TPO: variants seen among roughly 807,000 people sequenced by gnomAD.
The protein encoded by TPO is thyroid peroxidase.
Under a neutral mutation model 96.9 loss-of-function variants are expected in TPO, and 78 were observed. The ratio of observed to expected loss-of-function variants is 0.81; its 90% CI spans 0.67 to 0.97. The LOEUF is 0.97. Among genes scored for constraint, TPO ranks in the 50% least tolerant of loss-of-function variants. TPO has a pLI of 0.00. For missense variants in TPO, 1,252 were observed against 1,274.8 expected (o/e 0.98, Z 0.27); for synonymous variants, 547 against 538.0 (o/e 1.02, Z -0.23).
At chr2:1,397,688 C>T (rs2148368605) in intron 1 of TPO, among the ~76,000 whole-genome samples, 1 of 152,276 alleles carries the variant, frequency 6.6e-6, no homozygotes, top group South Asian at 2.1e-4. Context: ...TGTTGCTCTC[C>T]CAGCCTCCAA....
chr2:1,468,896 C>T (rs1669135221), intron 7 of TPO, among the ~76,000 whole-genome samples: 1 of 152,166 alleles, frequency 6.6e-6, no homozygotes, highest in Non-Finnish European at 1.5e-5. Flanking sequence ...AGGCTATCTT[C>T]ATATTTTCTT....
chr2:1,476,400 A>C (rs1669937714), intron 7 of TPO, among the ~76,000 whole-genome samples: 1 of 152,130 alleles, frequency 6.6e-6, no homozygotes, highest in Non-Finnish European at 1.5e-5. Flanking sequence ...AATCTGGAAA[A>C]AATATTTTAG....
intron 6 of TPO, 100 bp downstream of exon 6, chr2:1,453,923 T>C (rs1214725147): frequency 9.1e-6 from 14 of 1,541,512 alleles, no homozygotes; most frequent in Non-Finnish European, 1.2e-5. Flanking sequence ...TGCTGGGTGC[T>C]GCGTGCAATC....
intron 15 of TPO, among the ~76,000 whole-genome samples, chr2:1,524,583 C>T (rs1184718800): frequency 3.2e-5 from 4 of 125,238 alleles, no homozygotes; most frequent in African/African-American, 1.2e-4. Flanking sequence ...AATCCCCCTA[C>T]TGTGTGTAAC....
intron 8 of TPO, among the ~76,000 whole-genome samples, chr2:1,480,799 C>CCTGCTGCATCCGTCCACACCACGTCCCTG (rs1670534819): frequency 1.0e-5 from 1 of 97,698 alleles, no homozygotes; most frequent in East Asian, 3.0e-4. Context: ...CCACCTTCCT[C>CCTGCTGCATCCGTCCACACCACGTCCCTG]CTGCTGCATC....
chr2:1,422,556 C>G (rs537767372), intron 2 of TPO, among the ~76,000 whole-genome samples: 75 of 152,324 alleles, frequency 4.9e-4, no homozygotes, highest in African/African-American at 1.7e-3. Flanking sequence ...TTCCTGTTAC[C>G]GCGTCCGGAA....
chr2:1,530,273 C>T (rs1348662914), intron 15 of TPO, among the ~76,000 whole-genome samples: 1 of 114,726 alleles, frequency 8.7e-6, no homozygotes. Flanking sequence ...TGTGTGCAAC[C>T]TCCTCAAATC....
rs1170150880 is a variant in TPO, at chr2:1,534,409, TCCGC to T, written c.2619-6182_2619-6179del. 2.6e-4 allele frequency among the ~76,000 whole-genome samples: 27 copies of T among 105,088 alleles called. 3 individuals are homozygous for T. Among genetic ancestry groups the T allele is most frequent in the South Asian group, 4.3e-4 (1 of 2,334 alleles). The allele number at this position is 105,088 out of a possible 152,430, so 68.9% of individuals were successfully genotyped here. On this transcript the variant is annotated intron_variant, in intron 15 of 16. Transcript: ENST00000329066. ...TCCAACTGTGTGCAACCTCCCCAAA[TCCGC>T]CCCCACCCTGTGCAGCCTCACAAAA...
intron 1 of TPO, chr2:1,413,769 C>T (rs1662594794): frequency 3.0e-6 from 3 of 984,064 alleles, no homozygotes; most frequent in Non-Finnish European, 2.4e-6. Context: ...TACTGAGACA[C>T]ATTCCTGTCA....
intron 5 of TPO, among the ~76,000 whole-genome samples, chr2:1,447,072 TG>T (rs1306344274): frequency 6.6e-6 from 1 of 152,180 alleles, no homozygotes; most frequent in Non-Finnish European, 1.5e-5. Context: ...CCCCTCCTGT[TG>T]GCAAGGGTGT....
chr2:1,454,919 A>G (rs1341138019), intron 6 of TPO, among the ~76,000 whole-genome samples: 1 of 152,254 alleles, frequency 6.6e-6, no homozygotes, highest in African/African-American at 2.4e-5. Context: ...TGAAAACAAC[A>G]TAAATGTGAT....
At chr2:1,436,533 T>A in intron 5 of TPO, 149 bp downstream of exon 5, 1 of 1,204,046 alleles carries the variant, frequency 8.3e-7, no homozygotes, top group Non-Finnish European at 1.2e-6. Context: ...CGACATGGCC[T>A]CCTGCATGCC....
At chr2:1,502,409 A>G (rs1359142770) in intron 13 of TPO, among the ~76,000 whole-genome samples, 1 of 152,076 alleles carries the variant, frequency 6.6e-6, no homozygotes, top group Non-Finnish European at 1.5e-5. Flanking sequence ...TATTTTTTTG[A>G]GACAGAGTCT....
intron 15 of TPO, among the ~76,000 whole-genome samples, chr2:1,525,049 C>CA (rs1676119967): frequency 1.4e-5 from 1 of 70,964 alleles, no homozygotes; most frequent in African/African-American, 5.6e-5. Context: ...CAACCTCCCC[C>CA]TATCCCTCCC....
intron 13 of TPO, among the ~76,000 whole-genome samples, chr2:1,502,394 CTTT>C: frequency 6.6e-6 from 1 of 152,172 alleles, no homozygotes; most frequent in Admixed American, 6.5e-5. Context: ...TCTTATACTT[CTTT>C]TTATTTTTTT....
chr2:1,439,009 T>C, intron 5 of TPO: 1 of 582,824 alleles, frequency 1.7e-6, no homozygotes, highest in Non-Finnish European at 3.1e-6. Context: ...GTTTGATGCT[T>C]CCTGATTCAT....
At chr2:1,495,076 C>T (rs150207364) in intron 11 of TPO, among the ~76,000 whole-genome samples, 2 of 152,312 alleles carry the variant, frequency 1.3e-5, no homozygotes, top group Admixed American at 6.5e-5. Flanking sequence ...GTCTCCCATG[C>T]GTGTTTTATG....
intron 15 of TPO, among the ~76,000 whole-genome samples, chr2:1,537,886 CCTCAAATCCCCACCACTCTGTGCAACCTG>C (rs1680211255): frequency 7.7e-6 from 1 of 129,514 alleles, no homozygotes; most frequent in Non-Finnish European, 1.6e-5. Flanking sequence ...TGTGCAACCT[CCTCAAATCCCCACCACTCTGTGCAACCTG>C]CCCAATTTCC....
chr2:1,437,389 A>G (rs1573180059), intron 5 of TPO, among the ~76,000 whole-genome samples: 1 of 152,078 alleles, frequency 6.6e-6, no homozygotes, highest in African/African-American at 2.4e-5. Context: ...GCATGGAAGA[A>G]CTCCTCAAAG....
Sources: gnomAD v4.1 joint callset for allele counts (sites outside exome capture counted in the v4.1 genomes callset) on GRCh38, gnomAD v4.1.1 for gene constraint, MANE v1.5 for transcripts, NCBI Gene and HGNC (gene_info 2026-07-23, HGNC 2026-07-21) for gene names.